Variants in GRIP2 observed in about 807,000 individuals in gnomAD.
The protein encoded by GRIP2 is glutamate receptor-interacting protein 2.
In GRIP2, 58 loss-of-function variants were observed where a neutral mutation model predicts 108.3. That is an observed-to-expected ratio of 0.54 (90% confidence interval 0.43 to 0.67). The LOEUF (loss-of-function observed/expected upper bound fraction) is 0.67. Ranked by LOEUF, GRIP2 falls within the 30% of genes least tolerant of loss-of-function variation. The pLI is 0.00. For synonymous variants in GRIP2, 586 were observed against 598.2 expected, an observed-to-expected ratio of 0.98 and a Z score of 0.30; for missense variants, 1,278 against 1,430.6, an observed-to-expected ratio of 0.89 and a Z score of 1.72.
the GRIP2 span, among the ~76,000 whole-genome samples, chr3:14,601,350 A>T: frequency 6.6e-6 from 1 of 151,966 alleles, no homozygotes; most frequent in Admixed American, 6.6e-5. Flanking sequence ...GCTCTGCGAG[A>T]TTTCCTTCTT....
At chr3:14,573,969 G>A in the GRIP2 span, 15 of 1,081,718 alleles carry the variant, frequency 1.4e-5, no homozygotes, top group South Asian at 7.9e-5. Flanking sequence ...GTGCACCTGC[G>A]GATCCTGGCA....
chr3:14,491,881 G>GT lies in GRIP2; in HGVS notation c.*1783dup, dbSNP rs558268674. 2.4e-4 allele frequency: 37 copies of GT among 152,436 alleles called. No homozygotes were observed. Among genetic ancestry groups the GT allele is most frequent in the Non-Finnish European group, 4.1e-4 (28 of 68,102 alleles). 9.4% of individuals were successfully genotyped at this position (152,436 alleles called of 1,614,324 possible). A position where few individuals can be genotyped will look rare whatever the true frequency, so the allele number is the denominator to read the frequency against. On this transcript the variant is annotated 3_prime_UTR_variant, in exon 24 of 24. Coordinates refer to ENST00000621039, the MANE Select transcript of GRIP2 (RefSeq NM_001080423.4). ...GCTTTCACTTGGTGCCCTGTGACAG[G>GT]TAGACAGTGCCCTTTCACTCTGGGC...
Position 14,525,311 on chromosome 3 carries a change from G to A in GRIP2, c.257+126C>T. On this transcript the variant is annotated intron_variant, in intron 3 of 23. Transcript: ENST00000621039. ...TTCCCTCTGCAGACACCAAGTTGAT[G>A]GGTGCTCCTGGAAACAGCTGCCTGA... 2.6e-6 allele frequency: 3 copies of A among 1,153,994 alleles called. No individual in the cohort carries two copies. The Admixed American group carries it at 6.8e-5, about 26-fold the overall frequency. The allele number at this position is 1,153,994 out of a possible 1,614,324, so 71.5% of individuals were successfully genotyped here.
chr3:14,506,719 A>C, intron 19 of GRIP2, 82 bp downstream of exon 19: 1 of 1,298,110 alleles, frequency 7.7e-7, no homozygotes, highest in South Asian at 1.6e-5. Flanking sequence ...AGGAACAGGC[A>C]CAAGAACAGT....
At chr3:14,538,311 AG>A (rs1323720843) in intron 1 of GRIP2, among the ~76,000 whole-genome samples, 1 of 152,124 alleles carries the variant, frequency 6.6e-6, no homozygotes, top group Non-Finnish European at 1.5e-5. Flanking sequence ...GCGATCCATC[AG>A]GGGTGGGCAT....
In GRIP2 at chr3:14,506,986, A is replaced by G. The variant is rs2276755; in HGVS notation, c.2219-6T>C. 690,747 of 1,586,718 alleles carry G rather than the reference A, an allele frequency of 0.44. 155,032 individuals carry two copies. The highest frequency in any genetic ancestry group is 0.63 in the East Asian group (27,780 of 43,846). ...CTTGCGGGGTAGGAGGGGACCTGGG[A>G]GGAGAGAGGGGTGTCAATTCTGACT... On this transcript the variant is annotated splice_polypyrimidine_tract_variant and splice_region_variant and intron_variant, in intron 18 of 23. Transcript: ENST00000621039.
At chr3:14,590,753 G>C in the GRIP2 span, among the ~76,000 whole-genome samples, 3 of 152,166 alleles carry the variant, frequency 2.0e-5, no homozygotes, top group African/African-American at 7.2e-5. Flanking sequence ...CAAATACAAA[G>C]GCCTCTACCA....
chr3:14,538,429 G>C (rs756593469), intron 1 of GRIP2, among the ~76,000 whole-genome samples: 5 of 152,182 alleles, frequency 3.3e-5, no homozygotes, highest in Non-Finnish European at 7.3e-5. Context: ...CCTTAAGTTT[G>C]AAGGTGCCAG....
At chr3:14,570,116 G>A in the GRIP2 span, among the ~76,000 whole-genome samples, 4 of 152,214 alleles carry the variant, frequency 2.6e-5, no homozygotes, top group Non-Finnish European at 5.9e-5. Context: ...GGGTGAAGGT[G>A]AGAGGAAGGA....
In GRIP2 at chr3:14,511,126, T is replaced by A; in HGVS notation, c.1933+39A>T. 4 of 1,608,144 alleles carry A rather than the reference T, an allele frequency of 2.5e-6. No homozygotes were observed. Among genetic ancestry groups the A allele is most frequent in the Non-Finnish European group, 3.4e-6 (4 of 1,176,606 alleles). On this transcript the variant is annotated intron_variant, in intron 16 of 23. Transcript: ENST00000621039. The surrounding 1 kb of genome is among the most constrained non-coding windows in gnomAD (Gnocchi z 4.1). ...AGCTGGGAACCCGCTAGTCAAAGGGTGGGCCTCTGGAGGTAGGAGGCCAGC... is the reference window on the plus strand; with the variant it reads ...AGCTGGGAACCCGCTAGTCAAAGGGAGGGCCTCTGGAGGTAGGAGGCCAGC...
At chr3:14,597,170 G>A in the GRIP2 span, among the ~76,000 whole-genome samples, 1 of 152,206 alleles carries the variant, frequency 6.6e-6, no homozygotes, top group Admixed American at 6.5e-5. Context: ...TAAAGCCTGA[G>A]ACCTTACTGT....
At chr3:14,573,316 C>T in the GRIP2 span, 2 of 1,412,508 alleles carry the variant, frequency 1.4e-6, no homozygotes, top group South Asian at 2.3e-5. Context: ...TTGCCAGTGA[C>T]ACCACTCAGC....
chr3:14,509,918 C>T lies in GRIP2; in HGVS notation c.1980G>A (p.Lys660=), dbSNP rs1559336690. The T allele has an allele frequency of 3.9e-6, 6 of 1,552,290 alleles. No homozygotes were observed. The highest frequency in any genetic ancestry group is 4.9e-5 in the East Asian group (2 of 40,926). ...TGAVSYTVEL[K]RYGGPLGITI... ...TGATGCCCAGGGGACCCCCGTAGCGCTTCAGCTCCACTGTGTAACTGACGG... is the reference window on the plus strand; with the variant it reads ...TGATGCCCAGGGGACCCCCGTAGCGTTTCAGCTCCACTGTGTAACTGACGG... The change falls in exon 17 of 24, where the codon AAG becomes AAA. Residue 660 remains lysine (K), a synonymous_variant. Transcript: ENST00000621039.
chr3:14,504,413 G>A (rs1051012419), intron 20 of GRIP2, among the ~76,000 whole-genome samples: 33 of 148,588 alleles, frequency 2.2e-4, no homozygotes, highest in African/African-American at 7.7e-4. Context: ...CTGGGTTCAC[G>A]CCATTCTCCT....
intron 3 of GRIP2, among the ~76,000 whole-genome samples, chr3:14,524,850 T>C (rs1694510885): frequency 6.6e-6 from 1 of 152,196 alleles, no homozygotes; most frequent in African/African-American, 2.4e-5. Flanking sequence ...ATGCTCTTCC[T>C]GACTTCTCAC....
rs1255441458 is a variant in GRIP2, at chr3:14,492,817, CAGA to C, written c.*845_*847del. ...GATGGGTCAGTGGCCACACGGCCTA[CAGA>C]AGAAGCAGGAGGGCTGAGAGCCCAA... On this transcript the variant is annotated 3_prime_UTR_variant, in exon 24 of 24. Coordinates refer to ENST00000621039, the MANE Select transcript of GRIP2 (RefSeq NM_001080423.4). The C allele has an allele frequency of 2.6e-5, 4 of 152,250 alleles. No homozygotes were observed. The highest frequency in any genetic ancestry group is 9.6e-5 in the African/African-American group (4 of 41,454). The allele number at this position is 152,250 out of a possible 1,614,324, so 9.4% of individuals were successfully genotyped here.
chr3:14,512,064 G>A lies in GRIP2; in HGVS notation c.1721-585C>T, dbSNP rs75619650. 8.4e-3 allele frequency among the ~76,000 whole-genome samples: 1,283 copies of A among 152,350 alleles called. 28 individuals are homozygous for A. The highest frequency in any genetic ancestry group is 0.029 in the African/African-American group (1,205 of 41,570). ...GGTAAATGTTCAGTCAGGTGGTCGG[G>A]GAAGGCCTTGTCAAGTGACATTTGG... On this transcript the variant is annotated intron_variant, in intron 14 of 23. Coordinates refer to ENST00000621039, the MANE Select transcript of GRIP2 (RefSeq NM_001080423.4). The surrounding 1 kb of genome is among the most constrained non-coding windows in gnomAD (Gnocchi z 5.1).
At chr3:14,538,270 A>C (rs1211891616) in intron 1 of GRIP2, among the ~76,000 whole-genome samples, 2 of 152,206 alleles carry the variant, frequency 1.3e-5, no homozygotes, top group African/African-American at 2.4e-5. Context: ...AGGGGAGGTC[A>C]CATGACCAGG....
At chr3:14,554,413 GGTCT>G (rs201130195) in intron 1 of GRIP2, among the ~76,000 whole-genome samples, 5,975 of 152,262 alleles carry the variant, frequency 0.039, 397 homozygotes, top group African/African-American at 0.13. Context: ...GGGCCCTTAC[GGTCT>G]GTGGACCTGA....
Sources: gnomAD v4.1 joint callset for allele counts (sites outside exome capture counted in the v4.1 genomes callset) on GRCh38, gnomAD v4.1.1 for gene constraint, Gnocchi (gnomAD v3.1) non-coding constraint, MANE v1.5 for transcripts, NCBI Gene and HGNC (gene_info 2026-07-23, HGNC 2026-07-21) for gene names.